NRG1: variants seen among roughly 807,000 people sequenced by gnomAD.
NRG1 encodes neuregulin 1, also known as pro-neuregulin-1, membrane-bound isoform.
NRG1 carries 18 observed loss-of-function variants against 63.8 expected under a neutral mutation model. That is an observed-to-expected ratio of 0.28 (90% CI 0.19 to 0.42). The LOEUF (loss-of-function observed/expected upper bound fraction) is 0.42. NRG1 is among the 10% of genes least tolerant of loss of function. The pLI is 1.00. For missense variants in NRG1, 762 were observed against 814.7 expected, an observed-to-expected ratio of 0.94 and a Z score of 0.79; for synonymous variants, 302 against 301.3, an observed-to-expected ratio of 1.00 and a Z score of -0.02.
rs192573326 is a variant in NRG1, at chr8:31,933,894, A to G, written c.37+294463A>G. On this transcript the variant is annotated intron_variant, in intron 1 of 10. Transcript: ENST00000519301. ...TCCTAGATTTTATTTTATAATACCA[A>G]CCAGAATAGGAGGCCTCAAAACACC... Among the ~76,000 whole-genome samples, 525 of 152,266 alleles carry G rather than the reference A, an allele frequency of 3.4e-3. 3 individuals are homozygous for G. Among genetic ancestry groups the G allele is most frequent in the South Asian group, 0.027 (129 of 4,826 alleles).
At chr8:32,548,662 G>T in exon 1 of NRG1, 1 of 1,516,846 alleles carries the variant, frequency 6.6e-7, no homozygotes, top group East Asian at 2.6e-5. Flanking sequence ...AACCCGATCC[G>T]AGCCCTTGGA....
At chr8:32,410,758 G>C (rs1372279664) in intron 1 of NRG1, among the ~76,000 whole-genome samples, 3 of 151,930 alleles carry the variant, frequency 2.0e-5, no homozygotes, top group Admixed American at 6.6e-5. Context: ...CTTCTTAGTG[G>C]GACACCAGCC....
Position 32,433,791 on chromosome 8 carries a change from C to G in NRG1, c.38-162037C>G, listed in dbSNP as rs16879377. Among the ~76,000 whole-genome samples, 1,233 of 152,258 alleles carry G rather than the reference C, an allele frequency of 8.1e-3. 19 individuals carry two copies. The highest frequency in any genetic ancestry group is 0.027 in the African/African-American group (1,137 of 41,538). On this transcript the variant is annotated intron_variant, in intron 1 of 10. Transcript: ENST00000519301. ...GACTAACGCTTTGACACATCCTAAA[C>G]CTCACCAGGAGTAGGAAATATTTCT...
At chr8:31,951,827 G>C (rs145278726) in intron 1 of NRG1, among the ~76,000 whole-genome samples, 1 of 152,158 alleles carries the variant, frequency 6.6e-6, no homozygotes, top group East Asian at 1.9e-4. Flanking sequence ...ATACCTTTTT[G>C]ATCAAAAGCA....
At chr8:32,304,199 T>A (rs1855940543) in intron 1 of NRG1, among the ~76,000 whole-genome samples, 1 of 152,260 alleles carries the variant, frequency 6.6e-6, no homozygotes, top group Non-Finnish European at 1.5e-5. Context: ...AATATTGTTT[T>A]AAAATCATCT....
chr8:32,647,847 G>A (rs1403377891), intron 5 of NRG1: 1 of 1,613,964 alleles, frequency 6.2e-7, no homozygotes, highest in Non-Finnish European at 8.5e-7. Flanking sequence ...GCCCCAGACT[G>A]AAGATGGGAG....
chr8:32,318,190 T>C (rs1332508328), intron 1 of NRG1, among the ~76,000 whole-genome samples: 1 of 152,170 alleles, frequency 6.6e-6, no homozygotes, highest in East Asian at 1.9e-4. Context: ...AAGACAGAGA[T>C]GTTATCTGTC....
At chr8:32,012,299 T>C (rs1814883241) in intron 1 of NRG1, among the ~76,000 whole-genome samples, 1 of 152,090 alleles carries the variant, frequency 6.6e-6, no homozygotes, top group Non-Finnish European at 1.5e-5. Flanking sequence ...CAACAGGACA[T>C]GCATGACAGT....
At chr8:32,314,647 T>C in intron 1 of NRG1, among the ~76,000 whole-genome samples, 1 of 152,160 alleles carries the variant, frequency 6.6e-6, no homozygotes, top group Non-Finnish European at 1.5e-5. Flanking sequence ...TCCTTCTTAT[T>C]CATCCTTCAT....
intron 1 of NRG1, among the ~76,000 whole-genome samples, chr8:32,143,245 G>C (rs567814033): frequency 3.3e-4 from 50 of 151,858 alleles, no homozygotes; most frequent in Admixed American, 7.2e-4. Flanking sequence ...TTTTTTTTTG[G>C]GGGGGGAAGA....
intron 1 of NRG1, among the ~76,000 whole-genome samples, chr8:32,058,547 C>T (rs922803496): frequency 6.6e-6 from 1 of 152,038 alleles, no homozygotes; most frequent in South Asian, 2.1e-4. Context: ...TTCTCACTCC[C>T]TAGTGAAGTG....
At chr8:32,566,692 G>T (rs1341241146) in intron 1 of NRG1, among the ~76,000 whole-genome samples, 1 of 152,106 alleles carries the variant, frequency 6.6e-6, no homozygotes, top group African/African-American at 2.4e-5. Context: ...ATTGTTTCCA[G>T]CCAGGAGGTT....
rs558361341 is a variant in NRG1 at position 32,696,695 on chromosome 8, C to T, written c.503-31254C>T. On this transcript the variant is annotated intron_variant, in intron 5 of 11. Coordinates refer to ENST00000356819, the Ensembl canonical transcript of NRG1. ...TTTTTTTTTGACACAGAGTCGTGCT[C>T]TTGTTGCCCAGGCTGGAGTGCAATG... Among the ~76,000 whole-genome samples, 199 of 119,252 alleles carry T rather than the reference C, an allele frequency of 1.7e-3. 1 individual carries two copies. Among genetic ancestry groups the T allele is most frequent in the African/African-American group, 6.1e-3 (189 of 30,780 alleles). 78.2% of individuals were successfully genotyped at this position (119,252 alleles called of 152,430 possible). A position where few individuals can be genotyped will look rare whatever the true frequency, so the allele number is the denominator to read the frequency against.
chr8:31,667,640 C>A (rs1563272897), intron 1 of NRG1, among the ~76,000 whole-genome samples: 3 of 152,124 alleles, frequency 2.0e-5, no homozygotes, highest in Admixed American at 1.3e-4. Flanking sequence ...GGTGAGGCTG[C>A]AGAAGGCCCC....
chr8:31,851,792 T>C (rs1227753645), intron 1 of NRG1, among the ~76,000 whole-genome samples: 1 of 129,776 alleles, frequency 7.7e-6, no homozygotes, highest in Non-Finnish European at 1.6e-5. Flanking sequence ...CAGAGTGTGA[T>C]GTTCCCCTTC....
intron 1 of NRG1, among the ~76,000 whole-genome samples, chr8:32,520,794 C>G (rs532112215): frequency 1.4e-4 from 22 of 152,268 alleles, no homozygotes; most frequent in Middle Eastern, 6.8e-3. Flanking sequence ...TTAACTTGTG[C>G]ACTATTCTGA....
At chr8:31,803,173 A>G (rs1219827263) in intron 1 of NRG1, among the ~76,000 whole-genome samples, 1 of 152,224 alleles carries the variant, frequency 6.6e-6, no homozygotes, top group East Asian at 1.9e-4. Context: ...TAAAGCAGGG[A>G]GTATAATAGG....
rs186746046 is a variant in NRG1, at chr8:32,036,615, G to T, written c.37+397184G>T. On this transcript the variant is annotated intron_variant, in intron 1 of 10. Transcript: ENST00000519301. Reference sequence around the variant, plus strand: ...TAACATAATCCCATAGTTCACAGAGGTTTTGTTCATTCCTTTTCATTCTTT... The same window carrying T: ...TAACATAATCCCATAGTTCACAGAGTTTTTGTTCATTCCTTTTCATTCTTT... 2.6e-5 allele frequency among the ~76,000 whole-genome samples: 4 copies of T among 152,144 alleles called. No homozygotes were observed. The South Asian group carries it at 6.2e-4, about 24-fold the overall frequency.
At chr8:31,918,923 A>C (rs1374641601) in intron 1 of NRG1, among the ~76,000 whole-genome samples, 1 of 152,100 alleles carries the variant, frequency 6.6e-6, no homozygotes, top group African/African-American at 2.4e-5. Context: ...CTCCTGGTTT[A>C]GTCTTGGGAG....
Sources: gnomAD v4.1 joint callset for allele counts (sites outside exome capture counted in the v4.1 genomes callset) on GRCh38, gnomAD v4.1.1 for gene constraint, MANE v1.5 for transcripts, NCBI Gene and HGNC (gene_info 2026-07-23, HGNC 2026-07-21) for gene names.